DDX60L: variants seen among roughly 807,000 people sequenced by gnomAD.
DDX60L encodes the protein probable ATP-dependent RNA helicase DDX60-like.
In DDX60L, 191 loss-of-function variants were observed where a neutral mutation model predicts 211.6. The ratio of observed to expected loss-of-function variants is 0.90; its 90% CI spans 0.80 to 1.02. DDX60L has a LOEUF of 1.02. DDX60L is among the 50% of genes least tolerant of loss of function. The pLI is 0.00. For synonymous variants in DDX60L, 706 were observed against 694.1 expected, an observed-to-expected ratio of 1.02 and a Z score of -0.27; for missense variants, 2,007 against 1,984.1, an observed-to-expected ratio of 1.01 and a Z score of -0.22.
At chr4:168,367,121 A>C (rs1740135586) in intron 36 of DDX60L, among the ~76,000 whole-genome samples, 1 of 152,132 alleles carries the variant, frequency 6.6e-6, no homozygotes, top group Non-Finnish European at 1.5e-5. Context: ...CCTACTTCTC[A>C]CCATATACAA....
chr4:168,363,116 G>A (rs1342892604), intron 36 of DDX60L, among the ~76,000 whole-genome samples: 1 of 152,030 alleles, frequency 6.6e-6, no homozygotes, highest in Non-Finnish European at 1.5e-5. Flanking sequence ...CAGATTCCCA[G>A]CAGAAACCTC....
chr4:168,407,069 CA>C (rs925230510), intron 22 of DDX60L, among the ~76,000 whole-genome samples: 1 of 152,068 alleles, frequency 6.6e-6, no homozygotes, highest in Non-Finnish European at 1.5e-5. Flanking sequence ...TCAGTTTAGA[CA>C]AAAAATATAC....
intron 22 of DDX60L, among the ~76,000 whole-genome samples, chr4:168,409,746 A>T (rs889573688): frequency 6.6e-6 from 1 of 152,216 alleles, no homozygotes; most frequent in Non-Finnish European, 1.5e-5. Flanking sequence ...CGTGCATTCG[A>T]TCCACAAATT....
chr4:168,422,800 G>C, intron 15 of DDX60L, 130 bp from the exon 16 acceptor site: 1 of 728,718 alleles, frequency 1.4e-6, no homozygotes, highest in Non-Finnish European at 2.2e-6. Flanking sequence ...TTTTGAGACA[G>C]GGTCTTTCTC....
chr4:168,461,763 T>C lies in DDX60L; in HGVS notation c.542A>G (p.Asp181Gly). Residue 181 changes from aspartate (D) to glycine (G), a missense_variant, in exon 5 of 38, where the codon GAT (aspartate) becomes GGT (glycine). Physicochemically the swap from Asp to Gly is moderately conservative, Grantham distance 94. Coordinates refer to ENST00000682922, the MANE Select transcript of DDX60L (RefSeq NM_001012967.3). ...NVVLSSGHES[D>G]TLRFYAYTME... Reference sequence around the variant, plus strand: ...AGTATATGCATAAAATCTGAGAGTATCAGATTCATGCCCTGATGAAAGCAC... The same window carrying C: ...AGTATATGCATAAAATCTGAGAGTACCAGATTCATGCCCTGATGAAAGCAC... 6.2e-7 allele frequency: 1 copy of C among 1,602,988 alleles called. No individual in the cohort carries two copies. Among genetic ancestry groups the C allele is most frequent in the Non-Finnish European group, 8.5e-7 (1 of 1,173,404 alleles).
rs13151700 is a variant in DDX60L at position 168,441,406 on chromosome 4, C to G, written c.1225G>C (p.Val409Leu). ...GTTCTCAGAGGAAAAGACTTTCCAA[C>G]GTTAAATTCTTTAACCAGGTGTGAC... ...VVSHLVKEFN[V>L]GKSFPLRTTR... The change falls in exon 10 of 38, where the codon GTT becomes CTT. Residue 409 changes from valine to leucine, a missense_variant. Transcript: ENST00000682922. 0.34 allele frequency: 547,233 copies of G among 1,609,122 alleles called. 99,745 individuals carry two copies. Among genetic ancestry groups the G allele is most frequent in the East Asian group, 0.65 (28,918 of 44,698 alleles).
chr4:168,455,353 A>C (rs1266024078), intron 7 of DDX60L, among the ~76,000 whole-genome samples: 1 of 151,706 alleles, frequency 6.6e-6, no homozygotes, highest in Non-Finnish European at 1.5e-5. Context: ...ATGTTCCTCA[A>C]AAGATTCCTA....
chr4:168,415,271 T>C, intron 22 of DDX60L, 137 bp downstream of exon 22: 1 of 461,006 alleles, frequency 2.2e-6, no homozygotes. Context: ...AAAAAATCAA[T>C]GAATAAAATA....
intron 4 of DDX60L, among the ~76,000 whole-genome samples, chr4:168,464,697 G>T (rs1473762517): frequency 6.6e-6 from 1 of 152,032 alleles, no homozygotes; most frequent in Non-Finnish European, 1.5e-5. Flanking sequence ...TTGTGTGTGT[G>T]CGTGTGTTGG....
At position 168,419,357 on chromosome 4, in the gene DDX60L, A is replaced by G; in HGVS notation, c.2555T>C (p.Leu852Pro). 6.3e-7 allele frequency: 1 copy of G among 1,598,622 alleles called. No homozygotes were observed. The highest frequency in any genetic ancestry group is 1.1e-5 in the South Asian group (1 of 88,280). Residue 852 changes from leucine to proline, a missense_variant, in exon 19 of 38, where the codon CTT becomes CCT. Leu to Pro is a moderately conservative substitution (Grantham distance 98). Transcript: ENST00000682922. The stretch of plus-strand genomic sequence containing the variant: ...CACCCATTTTTGGCGATGAGGAGCA[A>G]GCAACAGGATTTCAAAACATTCCGG... ...TVPECFEILL[L>P]APHRQKWVER...
chr4:168,446,055 A>T (rs1163670436), intron 9 of DDX60L, among the ~76,000 whole-genome samples: 1 of 150,720 alleles, frequency 6.6e-6, no homozygotes. Context: ...GAAGGAAATA[A>T]AGAGTATTAA....
At position 168,434,773 on chromosome 4, in the gene DDX60L, A is replaced by G. The variant is rs565221434; in HGVS notation, c.1295-1658T>C. On this transcript the variant is annotated intron_variant, in intron 10 of 37. Coordinates refer to ENST00000682922, the MANE Select transcript of DDX60L (RefSeq NM_001012967.3). ...ATTCTAAATTGATCTGTACAAAAGG[A>G]AGAGTTCTAAGGTAAGTGAACAGAT... 2.6e-5 allele frequency among the ~76,000 whole-genome samples: 4 copies of G among 152,348 alleles called. No individual in the cohort carries two copies. The East Asian group carries it at 7.7e-4, about 29-fold the overall frequency.
At chr4:168,443,860 A>G (rs1295229657) in intron 9 of DDX60L, among the ~76,000 whole-genome samples, 1 of 151,270 alleles carries the variant, frequency 6.6e-6, no homozygotes, top group Non-Finnish European at 1.5e-5. Flanking sequence ...CCTGCCATAC[A>G]AGAGCTCCTG....
intron 8 of DDX60L, among the ~76,000 whole-genome samples, chr4:168,449,181 G>A (rs1755281890): frequency 6.6e-6 from 1 of 151,928 alleles, no homozygotes; most frequent in Admixed American, 6.6e-5. Context: ...CTACACCCCT[G>A]GTGAGCAGGA....
intron 14 of DDX60L, among the ~76,000 whole-genome samples, chr4:168,426,679 T>C (rs1040014330): frequency 6.6e-6 from 1 of 152,196 alleles, no homozygotes; most frequent in Non-Finnish European, 1.5e-5. Context: ...GAAAAACCCA[T>C]GGAGAATCAC....
intron 36 of DDX60L, among the ~76,000 whole-genome samples, chr4:168,368,581 GA>G (rs1336994182): frequency 6.6e-6 from 1 of 152,204 alleles, no homozygotes; most frequent in Non-Finnish European, 1.5e-5. Context: ...GCTGTGAGAA[GA>G]GGGCCACTAT....
intron 37 of DDX60L, among the ~76,000 whole-genome samples, chr4:168,358,585 T>C (rs367723539): frequency 1.4e-5 from 2 of 146,318 alleles, no homozygotes; most frequent in South Asian, 2.2e-4. Flanking sequence ...TGGAGTGCAG[T>C]GGCGTGATCT....
In DDX60L at chr4:168,357,011, C is replaced by T. The variant is rs1048356740; in HGVS notation, c.*1136G>A. ...GTATTCATTTATCACAGCAAAAACGCACCTTTAAAGGTTTGTTTTTGTTAT... is the reference window on the plus strand; with the variant it reads ...GTATTCATTTATCACAGCAAAAACGTACCTTTAAAGGTTTGTTTTTGTTAT... On this transcript the variant is annotated 3_prime_UTR_variant, in exon 38 of 38. Transcript: ENST00000682922. 1.3e-5 allele frequency: 2 copies of T among 152,146 alleles called. No individual in the cohort carries two copies. The highest frequency in any genetic ancestry group is 2.9e-5 in the Non-Finnish European group (2 of 68,032). 9.4% of individuals were successfully genotyped at this position (152,146 alleles called of 1,614,324 possible). A position where few individuals can be genotyped will look rare whatever the true frequency, so the allele number is the denominator to read the frequency against.
rs905738700 is a variant in DDX60L, at chr4:168,446,544, C to T, written c.1138+2094G>A. ...GGAAAAAACTACTTTAAAGTTCATA[C>T]GGAACCGAAAAAGAGACTGCATCAC... is the stretch of plus-strand genomic sequence containing the variant. On this transcript the variant is annotated intron_variant, in intron 9 of 37. Coordinates refer to ENST00000682922, the MANE Select transcript of DDX60L (RefSeq NM_001012967.3). Among the ~76,000 whole-genome samples the T allele has an allele frequency of 1.1e-3, 164 of 152,202 alleles. 2 individuals carry two copies. The highest frequency in any genetic ancestry group is 3.9e-4 in the Admixed American group (6 of 15,284).
Sources: gnomAD v4.1 joint callset for allele counts (sites outside exome capture counted in the v4.1 genomes callset) on GRCh38, gnomAD v4.1.1 for gene constraint, MANE v1.5 for transcripts, NCBI Gene and HGNC (gene_info 2026-07-23, HGNC 2026-07-21) for gene names.